GPR33: variants seen among roughly 807,000 people sequenced by gnomAD.
GPR33 encodes G protein-coupled receptor 33.
GPR33 carries 4 observed loss-of-function variants against 3.1 expected under a neutral mutation model. That is an observed-to-expected ratio of 1.29 (90% CI 0.64 to 2.96). The LOEUF is 2.96. Ranked by LOEUF, GPR33 falls within the 30% of genes most tolerant of loss-of-function variation. The pLI is 0.01. For synonymous variants in GPR33, 138 were observed against 142.0 expected (o/e 0.97, Z 0.20); for missense variants, 390 against 388.9 (o/e 1.00, Z -0.02).
At chr14:31,484,255 C>A (rs914127747) in intron 1 of GPR33, among the ~76,000 whole-genome samples, 1 of 151,938 alleles carries the variant, frequency 6.6e-6, no homozygotes, top group Non-Finnish European at 1.5e-5. Context: ...GACATTTTGA[C>A]AATTGTTCAA....
chr14:31,486,210 C>T (rs1316023661), intron 1 of GPR33, among the ~76,000 whole-genome samples: 5 of 152,116 alleles, frequency 3.3e-5, no homozygotes, highest in Admixed American at 1.3e-4. Context: ...TCAATCCTCC[C>T]GCCTCAGCCT....
Position 31,483,480 on chromosome 14 carries a change from G to A in GPR33, c.486C>T (p.Pro162=). The change falls in exon 2 of 2, where the codon CCC becomes CCT. Residue 162 remains proline (P), a synonymous_variant. Coordinates refer to ENST00000399285, the MANE Select transcript of GPR33 (RefSeq NM_001197184.3). The part of the protein sequence containing the change: ...VWISAAALSI[P]YLIFRETHHD... ...GATGTGTCTCTCTGAAAATCAAATA[G>A]GGGATGCTGAGGGCAGCGGCTGAAA... 3 of 1,536,160 alleles carry A rather than the reference G, an allele frequency of 2.0e-6. No individual in the cohort carries two copies. Among genetic ancestry groups the A allele is most frequent in the Non-Finnish European group, 2.6e-6 (3 of 1,146,910 alleles).
chr14:31,486,023 A>G (rs75709466), intron 1 of GPR33, among the ~76,000 whole-genome samples: 47 of 152,358 alleles, frequency 3.1e-4, no homozygotes, highest in Non-Finnish European at 5.9e-4. Context: ...GAAATTACTA[A>G]TGATGCTTTT....
Position 31,483,756 on chromosome 14 carries a change from G to A in GPR33, c.210C>T (p.Leu70=), listed in dbSNP as rs1386776813. ...QTVNTLLFFH[L]ILSYFISTMI... ...TTGTTGAAATAAAATAAGAGAGAAT[G>A]AGATGAAAAAATAAGAGAGTATTGA... is the stretch of plus-strand genomic sequence containing the variant. Residue 70 remains leucine (L), a synonymous_variant, in exon 2 of 2, where the codon CTC becomes CTT. Coordinates refer to ENST00000399285, the MANE Select transcript of GPR33 (RefSeq NM_001197184.3). The A allele has an allele frequency of 2.6e-6, 4 of 1,535,868 alleles. No homozygotes were observed. The African/African-American group carries it at 5.5e-5, about 21-fold the overall frequency.
Position 31,488,036 on chromosome 14 carries a change from T to C in GPR33, c.-146A>G, listed in dbSNP as rs1448937659. The C allele has an allele frequency of 6.6e-6, 1 of 152,242 alleles. No individual in the cohort carries two copies. The highest frequency in any genetic ancestry group is 2.4e-5 in the African/African-American group (1 of 41,466). 9.4% of individuals were successfully genotyped at this position (152,242 alleles called of 1,614,324 possible). On this transcript the variant is annotated 5_prime_UTR_variant, in exon 1 of 2. Transcript: ENST00000399285. ...CATATGTCTTTCTTCTTGCTGATGCTACTCCCCAAGCTTGAACTTGCTATT... is the reference window on the plus strand; with the variant it reads ...CATATGTCTTTCTTCTTGCTGATGCCACTCCCCAAGCTTGAACTTGCTATT...
intron 1 of GPR33, among the ~76,000 whole-genome samples, chr14:31,486,788 T>G (rs1308840015): frequency 6.6e-6 from 1 of 152,222 alleles, no homozygotes; most frequent in Non-Finnish European, 1.5e-5. Context: ...ATCTATTTGC[T>G]ATGCTTTGAT....
chr14:31,484,778 A>G (rs1225991703), intron 1 of GPR33, among the ~76,000 whole-genome samples: 1 of 152,196 alleles, frequency 6.6e-6, no homozygotes, highest in Admixed American at 6.5e-5. Context: ...GATTTCTCTC[A>G]TGAGCTAATT....
rs1438627561 is a variant in GPR33, at chr14:31,483,393, G to T, written c.573C>A (p.Ser191Arg). 8 of 1,536,040 alleles carry T rather than the reference G, an allele frequency of 5.2e-6. No individual in the cohort carries two copies. The highest frequency in any genetic ancestry group is 7.0e-6 in the Non-Finnish European group (8 of 1,146,918). Residue 191 changes from serine to arginine, a missense_variant, in exon 2 of 2, where the codon AGC becomes AGA. Ser to Arg is a moderately radical substitution (Grantham distance 110, BLOSUM62 -1). Coordinates refer to ENST00000399285, the MANE Select transcript of GPR33 (RefSeq NM_001197184.3). ...NNYAVSTNWESKEMQASRQWI... is the reference protein window; with the variant it reads ...NNYAVSTNWERKEMQASRQWI... ...ACTGCCTTGATGCTTGCATCTCCTTGCTTTCCCAGTTAGTAGACACAGCAT... is the reference window on the plus strand; with the variant it reads ...ACTGCCTTGATGCTTGCATCTCCTTTCTTTCCCAGTTAGTAGACACAGCAT...
In GPR33 at chr14:31,483,393, G is replaced by C. The variant is rs1438627561; in HGVS notation, c.573C>G (p.Ser191Arg). Residue 191 changes from serine to arginine, a missense_variant, in exon 2 of 2, where the codon AGC becomes AGG. Ser to Arg is a moderately radical substitution (Grantham distance 110). Coordinates refer to ENST00000399285, the MANE Select transcript of GPR33 (RefSeq NM_001197184.3). ...ACTGCCTTGATGCTTGCATCTCCTT[G>C]CTTTCCCAGTTAGTAGACACAGCAT... ...NNYAVSTNWE[S>R]KEMQASRQWI... 25 of 1,536,160 alleles carry C rather than the reference G, an allele frequency of 1.6e-5. No homozygotes were observed. Among genetic ancestry groups the C allele is most frequent in the Non-Finnish European group, 2.2e-5 (25 of 1,146,912 alleles).
intron 1 of GPR33, among the ~76,000 whole-genome samples, chr14:31,486,010 A>G (rs1479830920): frequency 6.6e-6 from 1 of 152,254 alleles, no homozygotes; most frequent in East Asian, 1.9e-4. Context: ...GGATAAAGCA[A>G]TGGAAATTAC....
intron 1 of GPR33, among the ~76,000 whole-genome samples, chr14:31,487,459 A>G (rs1250948503): frequency 1.9e-4 from 3 of 15,718 alleles, no homozygotes; most frequent in African/African-American, 7.5e-4. Flanking sequence ...TTTTTTTTTC[A>G]GATGGAGTCT....
rs1489567153 is a variant in GPR33 at position 31,483,641 on chromosome 14, A to G, written c.325T>C (p.Ser109Pro). The change falls in exon 2 of 2, where the codon TCT becomes CCT. Residue 109 changes from serine to proline, a missense_variant. Coordinates refer to ENST00000399285, the MANE Select transcript of GPR33 (RefSeq NM_001197184.3). ...ALCKVFNGTL[S>P]LGMFTSVFFL... ...AAAACAGAGGTGAACATCCCCAGAG[A>G]CAAAGTGCCATTGAAGACCTTGCAC... The G allele has an allele frequency of 2.1e-5, 33 of 1,536,066 alleles. No individual in the cohort carries two copies. The highest frequency in any genetic ancestry group is 2.9e-5 in the Non-Finnish European group (33 of 1,146,934).
chr14:31,484,939 AT>A (rs543168980), intron 1 of GPR33, among the ~76,000 whole-genome samples: 319 of 144,858 alleles, frequency 2.2e-3, no homozygotes, highest in South Asian at 3.1e-3. Flanking sequence ...AGATGTAGTA[AT>A]TTTTTTTTTT....
At position 31,483,441 on chromosome 14, in the gene GPR33, T is replaced by C; in HGVS notation, c.525A>G (p.Gly175=). The change falls in exon 2 of 2, where the codon GGA becomes GGG. Residue 175 remains glycine (G), a synonymous_variant. Coordinates refer to ENST00000399285, the MANE Select transcript of GPR33 (RefSeq NM_001197184.3). ...CATAGTTATTTTGGCAAGTCACCTT[T>C]CCTTTACGGTCATGATGTGTCTCTC... ...IFRETHHDRK[G]KVTCQNNYAV... 1 of 1,536,140 alleles carries C rather than the reference T, an allele frequency of 6.5e-7. No homozygotes were observed. The highest frequency in any genetic ancestry group is 8.7e-7 in the Non-Finnish European group (1 of 1,146,908).
intron 1 of GPR33, among the ~76,000 whole-genome samples, chr14:31,484,729 A>C (rs2032399434): frequency 6.6e-6 from 1 of 152,230 alleles, no homozygotes; most frequent in Non-Finnish European, 1.5e-5. Flanking sequence ...CAAAAATAAT[A>C]GCAATGTTGC....
Position 31,483,157 on chromosome 14 carries a change from G to A in GPR33, c.809C>T (p.Thr270Ile). 1 of 1,536,100 alleles carries A rather than the reference G, an allele frequency of 6.5e-7. No homozygotes were observed. The highest frequency in any genetic ancestry group is 8.7e-7 in the Non-Finnish European group (1 of 1,146,872). The change falls in exon 2 of 2, where the codon ACT (threonine) becomes ATT (isoleucine). Residue 270 changes from threonine (T) to isoleucine (I), a missense_variant. Physicochemically the swap from Thr to Ile is moderately conservative, Grantham distance 89. Coordinates refer to ENST00000399285, the MANE Select transcript of GPR33 (RefSeq NM_001197184.3). ...PYHIHQGLLLTTNQSLLLELT... is the reference protein window; with the variant it reads ...PYHIHQGLLLITNQSLLLELT... ...CTCTAAAAGTAGTGACTGGTTCGTA[G>A]TGAGAAGTAAGCCCTGGTGTATATG...
chr14:31,483,496 G>A lies in GPR33; in HGVS notation c.470C>T (p.Ala157Val). 1 of 1,536,160 alleles carries A rather than the reference G, an allele frequency of 6.5e-7. No individual in the cohort carries two copies. Among genetic ancestry groups the A allele is most frequent in the Non-Finnish European group, 8.7e-7 (1 of 1,146,902 alleles). ...AATCAAATAGGGGATGCTGAGGGCA[G>A]CGGCTGAAATCCAGACTCCCAGGAC... ...SIVLGVWISAAALSIPYLIFR... is the reference protein window; with the variant it reads ...SIVLGVWISAVALSIPYLIFR... Residue 157 changes from alanine to valine, a missense_variant, in exon 2 of 2, where the codon GCT (alanine) becomes GTT (valine). Physicochemically the swap from Ala to Val is moderately conservative, Grantham distance 64. Transcript: ENST00000399285.
chr14:31,487,441 T>TTTTTG (rs2032431948), intron 1 of GPR33, among the ~76,000 whole-genome samples: 1 of 132,116 alleles, frequency 7.6e-6, no homozygotes, highest in African/African-American at 3.0e-5. Context: ...AGTTTTTTTT[T>TTTTTG]TTTTTTTTTT....
chr14:31,486,831 C>T (rs150304823), intron 1 of GPR33, among the ~76,000 whole-genome samples: 2 of 152,264 alleles, frequency 1.3e-5, no homozygotes, highest in East Asian at 3.9e-4. Flanking sequence ...CATTAACCCT[C>T]AGCTGTCTTG....
Sources: allele counts gnomAD v4.1 joint callset (sites outside exome capture counted in the v4.1 genomes callset), GRCh38; gene constraint gnomAD v4.1.1; transcripts MANE v1.5; gene names NCBI Gene and HGNC (gene_info 2026-07-23, HGNC 2026-07-21).